The following ETFDH variants were observed in gnomAD, a reference collection of about 807,000 sequenced individuals.
ETFDH encodes the protein electron transfer flavoprotein dehydrogenase.
A neutral mutation model predicts 73.2 loss-of-function variants in ETFDH; 61 were observed. The ratio of observed to expected loss-of-function variants is 0.83; its 90% CI spans 0.68 to 1.03. ETFDH has a LOEUF of 1.03. ETFDH is among the 50% of genes least tolerant of loss of function. The pLI is 0.00. For synonymous variants in ETFDH, 243 were observed against 253.3 expected (o/e 0.96, Z 0.39); for missense variants, 685 against 745.0 (o/e 0.92, Z 0.94).
chr4:158,706,593 A>G (rs768345270), intron 11 of ETFDH, 36 bp from the exon 12 acceptor site: 2 of 1,536,728 alleles, frequency 1.3e-6, no homozygotes, highest in Non-Finnish European at 1.8e-6. Context: ...CTTCAAAATC[A>G]TATTTTGTTA....
rs398124152 is a variant in ETFDH, at chr4:158,706,270, C to T, written c.1367C>T (p.Pro456Leu). ...CTATATTCTGTTAGAAATATAAGACCGTCCTGCCACGGAGTACTGGGTGTA... is the reference window on the plus strand; with the variant it reads ...CTATATTCTGTTAGAAATATAAGACTGTCCTGCCACGGAGTACTGGGTGTA... ...KELYSVRNIR[P>L]SCHGVLGVYG... Residue 456 changes from proline to leucine, a missense_variant, in exon 11 of 13, where the codon CCG becomes CTG. By Grantham distance (98) the Pro-to-Leu change is moderately conservative. Around this residue, in one of 3 missense-constraint regions of ETFDH, gnomAD observed 201 missense variants for 225.2 expected, o/e 0.89. Transcript: ENST00000511912. 151 of 1,610,588 alleles carry T rather than the reference C, an allele frequency of 9.4e-5. No individual in the cohort carries two copies. Among genetic ancestry groups the T allele is most frequent in the Non-Finnish European group, 1.1e-4 (131 of 1,176,910 alleles).
At chr4:158,684,798 C>A in intron 4 of ETFDH, 125 bp downstream of exon 4, 1 of 710,448 alleles carries the variant, frequency 1.4e-6, no homozygotes, top group East Asian at 2.6e-5. Flanking sequence ...AGGACTTACT[C>A]AAAGCTATAC....
intron 5 of ETFDH, among the ~76,000 whole-genome samples, chr4:158,685,426 T>C (rs528668723): frequency 1.3e-5 from 2 of 152,346 alleles, no homozygotes; most frequent in African/African-American, 4.8e-5. Context: ...ATCCAACTTA[T>C]GATTGATCAC....
chr4:158,709,465 G>T lies in ETFDH; in HGVS notation c.*938G>T, dbSNP rs779050130. On this transcript the variant is annotated 3_prime_UTR_variant, in exon 13 of 13. Transcript: ENST00000511912. The stretch of plus-strand genomic sequence containing the variant: ...GAGAATTGCTTGAACCCGGGAGGCA[G>T]AGGATGCAGTGAGCCGAGATTGCGC... 116 of 234,636 alleles carry T rather than the reference G, an allele frequency of 4.9e-4. No homozygotes were observed. Among genetic ancestry groups the T allele is most frequent in the Admixed American group, 5.0e-4 (9 of 17,860 alleles). The allele number at this position is 234,636 out of a possible 1,614,324, so 14.5% of individuals were successfully genotyped here.
In ETFDH at chr4:158,708,606, T is replaced by C. The variant is rs1774709084; in HGVS notation, c.*79T>C. 1.7e-6 allele frequency: 2 copies of C among 1,166,916 alleles called. No homozygotes were observed. Among genetic ancestry groups the C allele is most frequent in the South Asian group, 2.5e-5 (2 of 80,352 alleles). The allele number at this position is 1,166,916 out of a possible 1,614,324, so 72.3% of individuals were successfully genotyped here. ...GAGATTAACAGATTTCAGAATGTCT[T>C]TCTGCATATTACTGAACAGAATAGT... On this transcript the variant is annotated 3_prime_UTR_variant, in exon 13 of 13. Coordinates refer to ENST00000511912, the MANE Select transcript of ETFDH (RefSeq NM_004453.4).
intron 7 of ETFDH, 26 bp from the exon 8 acceptor site, chr4:158,697,533 T>A (rs770473023): frequency 6.2e-7 from 1 of 1,602,364 alleles, no homozygotes; most frequent in Non-Finnish European, 8.5e-7. Context: ...CTGCAGGACT[T>A]TTTTGTTTGC....
rs1177389968 is a variant in ETFDH at position 158,684,619 on chromosome 4, G to A, written c.433G>A (p.Asp145Asn). The A allele has an allele frequency of 6.3e-7, 1 of 1,584,236 alleles. No individual in the cohort carries two copies. The highest frequency in any genetic ancestry group is 8.7e-7 in the Non-Finnish European group (1 of 1,153,136). Reference sequence around the variant, plus strand: ...TCCACTTAACACTCCTGTAACAGAAGACAGATTTGGAATTTTAACAGAGAA... The same window carrying A: ...TCCACTTAACACTCCTGTAACAGAAAACAGATTTGGAATTTTAACAGAGAA... ...GAPLNTPVTE[D>N]RFGILTEKYR... The change falls in exon 4 of 13, where the codon GAC (aspartate) becomes AAC (asparagine). Residue 145 changes from aspartate (D) to asparagine (N), a missense_variant. Transcript: ENST00000511912.
At chr4:158,685,254 G>C in intron 5 of ETFDH, 35 bp downstream of exon 5, 3 of 1,118,996 alleles carry the variant, frequency 2.7e-6, no homozygotes, top group Non-Finnish European at 4.1e-6. Context: ...AATATTTATA[G>C]GAACTCTCTT....
In ETFDH at chr4:158,685,119, A is replaced by G. The variant is rs1773969376; in HGVS notation, c.506A>G (p.His169Arg). 1.9e-6 allele frequency: 3 copies of G among 1,605,396 alleles called. No individual in the cohort carries two copies. The highest frequency in any genetic ancestry group is 2.6e-6 in the Non-Finnish European group (3 of 1,172,292). ...PILPGLPMNN[H>R]GNYIVRLGHL... Reference sequence around the variant, plus strand: ...TTTATAGGGCTTCCAATGAATAATCATGGCAATTACATTGTACGCTTGGGA... The same window carrying G: ...TTTATAGGGCTTCCAATGAATAATCGTGGCAATTACATTGTACGCTTGGGA... Residue 169 changes from histidine to arginine, a missense_variant, in exon 5 of 13, where the codon CAT (histidine) becomes CGT (arginine). Physicochemically the swap from His to Arg is conservative, Grantham distance 29. Transcript: ENST00000511912.
At chr4:158,700,353 C>G (rs1774425125) in intron 9 of ETFDH, among the ~76,000 whole-genome samples, 1 of 152,008 alleles carries the variant, frequency 6.6e-6, no homozygotes, top group African/African-American at 2.4e-5. Flanking sequence ...AATTACATAA[C>G]TGTATTCAAG....
At chr4:158,684,486 G>C in intron 3 of ETFDH, 106 bp from the exon 4 acceptor site, 1 of 657,502 alleles carries the variant, frequency 1.5e-6, no homozygotes, top group South Asian at 1.9e-5. Context: ...AAATTAGGGG[G>C]GAGTTCTTTT....
At chr4:158,691,322 G>A (rs1256911291) in intron 6 of ETFDH, among the ~76,000 whole-genome samples, 2 of 152,098 alleles carry the variant, frequency 1.3e-5, no homozygotes, top group African/African-American at 4.8e-5. Flanking sequence ...TGACATGTTT[G>A]TTTGTTTGTT....
intron 5 of ETFDH, 140 bp downstream of exon 5, chr4:158,685,359 A>G: frequency 1.6e-6 from 1 of 631,366 alleles, no homozygotes; most frequent in Admixed American, 2.5e-5. Context: ...GGAATCTTTA[A>G]AGTATCTAAT....
Position 158,708,602 on chromosome 4 carries a change from G to A in ETFDH, c.*75G>A, listed in dbSNP as rs1489934196. On this transcript the variant is annotated 3_prime_UTR_variant, in exon 13 of 13. Coordinates refer to ENST00000511912, the MANE Select transcript of ETFDH (RefSeq NM_004453.4). ...TTTAGAGATTAACAGATTTCAGAAT[G>A]TCTTTCTGCATATTACTGAACAGAA... 1.6e-6 allele frequency: 2 copies of A among 1,238,592 alleles called. No individual in the cohort carries two copies. The highest frequency in any genetic ancestry group is 2.4e-6 in the Non-Finnish European group (2 of 841,486). 76.7% of individuals were successfully genotyped at this position (1,238,592 alleles called of 1,614,324 possible). A position where few individuals can be genotyped will look rare whatever the true frequency, so the allele number is the denominator to read the frequency against.
At chr4:158,692,210 G>A (rs1459054775) in intron 6 of ETFDH, among the ~76,000 whole-genome samples, 1 of 151,778 alleles carries the variant, frequency 6.6e-6, no homozygotes, top group African/African-American at 2.4e-5. Flanking sequence ...TGGCTAACAC[G>A]GTGAAACCCT....
At chr4:158,707,699 A>G (rs151321200) in intron 12 of ETFDH, among the ~76,000 whole-genome samples, 1 of 152,334 alleles carries the variant, frequency 6.6e-6, no homozygotes, top group Non-Finnish European at 1.5e-5. Context: ...GTAACCCTTT[A>G]GAAATATCCC....
intron 10 of ETFDH, among the ~76,000 whole-genome samples, chr4:158,704,061 T>G (rs980460179): frequency 2.0e-5 from 3 of 152,176 alleles, no homozygotes; most frequent in African/African-American, 7.2e-5. Context: ...ATCGTGCCAT[T>G]GCACTCCAGC....
intron 3 of ETFDH, among the ~76,000 whole-genome samples, 181 bp from the exon 4 acceptor site, chr4:158,684,411 T>TTCTGTACA (rs1773946463): frequency 1.3e-5 from 2 of 151,914 alleles, no homozygotes; most frequent in Admixed American, 1.3e-4. Flanking sequence ...AAAAAAAGAT[T>TTCTGTACA]TCTGTACATC....
chr4:158,691,722 A>G (rs781376472), intron 6 of ETFDH, among the ~76,000 whole-genome samples: 11 of 152,206 alleles, frequency 7.2e-5, no homozygotes, highest in Admixed American at 2.0e-4. Context: ...AACCTGGATA[A>G]TTTTCAGGTT....
Sources: gnomAD v4.1 joint callset for allele counts (sites outside exome capture counted in the v4.1 genomes callset) on GRCh38, gnomAD v4.1.1 for gene constraint, gnomAD v4.1.1 regional missense constraint, MANE v1.5 for transcripts, NCBI Gene and HGNC (gene_info 2026-07-23, HGNC 2026-07-21) for gene names.